Variants in KCNJ6 observed in about 807,000 individuals in gnomAD.
The protein encoded by KCNJ6 is potassium inwardly rectifying channel subfamily J member 6, also known as G protein-activated inward rectifier potassium channel 2.
In KCNJ6, 9 loss-of-function variants were observed where a neutral mutation model predicts 34.2. The observed-to-expected ratio is 0.26, with a 90% CI of 0.16 to 0.46. The LOEUF (loss-of-function observed/expected upper bound fraction) is 0.46, where lower values mean the gene tolerates loss of function less well. Ranked by LOEUF, KCNJ6 falls within the 20% of genes least tolerant of loss-of-function variation. The pLI is 1.00. For missense variants in KCNJ6, 236 were observed against 531.3 expected (o/e 0.44, Z 5.46); for synonymous variants, 196 against 207.1 (o/e 0.95, Z 0.46).
intron 2 of KCNJ6, among the ~76,000 whole-genome samples, chr21:37,727,099 C>G (rs11088404): frequency 0.38 from 57,903 of 151,960 alleles, 11,390 homozygotes; most frequent in South Asian, 0.45. Flanking sequence ...TGGTCTCAAG[C>G]CAAGGAACAC....
At chr21:37,877,001 A>G (rs988407868) in intron 1 of KCNJ6, among the ~76,000 whole-genome samples, 22 of 152,112 alleles carry the variant, frequency 1.4e-4, no homozygotes, top group African/African-American at 5.1e-4. Flanking sequence ...TAAACTTAAC[A>G]TTTTTATTAC....
intron 3 of KCNJ6, among the ~76,000 whole-genome samples, chr21:37,633,889 T>C (rs2054344858): frequency 6.6e-6 from 1 of 151,656 alleles, no homozygotes; most frequent in Non-Finnish European, 1.5e-5. Flanking sequence ...CAAGTTACTT[T>C]ATAGATTCAA....
At chr21:37,811,208 C>T (rs1453244598) in intron 2 of KCNJ6, among the ~76,000 whole-genome samples, 2 of 152,178 alleles carry the variant, frequency 1.3e-5, no homozygotes, top group Non-Finnish European at 2.9e-5. Context: ...GGGATAGGAA[C>T]CCCTGCTCTC....
chr21:37,716,846 A>G (rs1488903092), intron 2 of KCNJ6, among the ~76,000 whole-genome samples: 3 of 152,230 alleles, frequency 2.0e-5, no homozygotes, highest in East Asian at 3.8e-4. Flanking sequence ...TTGGCCAATA[A>G]TACTAAAGTC....
intron 2 of KCNJ6, among the ~76,000 whole-genome samples, chr21:37,832,785 C>G (rs1451863700): frequency 6.6e-6 from 1 of 152,090 alleles, no homozygotes; most frequent in Non-Finnish European, 1.5e-5. Flanking sequence ...GCCTGGAGGT[C>G]GGTGGGAAGA....
Position 37,615,303 on chromosome 21 carries a change from A to G in KCNJ6, c.*9856T>C, listed in dbSNP as rs2054262886. Reference sequence around the variant, plus strand: ...AGTCTCGCTCTGTCGCCCAGGTCGGACTGCGGACTGCAGTGGCGCAATCTC... The same window carrying G: ...AGTCTCGCTCTGTCGCCCAGGTCGGGCTGCGGACTGCAGTGGCGCAATCTC... On this transcript the variant is annotated 3_prime_UTR_variant, in exon 4 of 4. Coordinates refer to ENST00000609713, the MANE Select transcript of KCNJ6 (RefSeq NM_002240.5). The G allele has an allele frequency of 7.6e-6, 1 of 131,540 alleles. No individual in the cohort carries two copies. Among genetic ancestry groups the G allele is most frequent in the Non-Finnish European group, 1.5e-5 (1 of 65,550 alleles). The allele number at this position is 131,540 out of a possible 1,614,324, so 8.1% of individuals were successfully genotyped here. A position where few individuals can be genotyped will look rare whatever the true frequency, so the allele number is the denominator to read the frequency against.
intron 2 of KCNJ6, among the ~76,000 whole-genome samples, chr21:37,811,214 C>A (rs140735662): frequency 2.0e-5 from 3 of 152,300 alleles, no homozygotes; most frequent in Admixed American, 2.0e-4. Flanking sequence ...GGAACCCCTG[C>A]TCTCAGACCT....
intron 2 of KCNJ6, among the ~76,000 whole-genome samples, chr21:37,725,981 C>T (rs533915139): frequency 1.3e-5 from 2 of 152,342 alleles, no homozygotes; most frequent in African/African-American, 2.4e-5. Context: ...ACTCAGCTCA[C>T]TGCAACCTCT....
chr21:37,784,858 G>C (rs760873501), intron 2 of KCNJ6, among the ~76,000 whole-genome samples: 1 of 152,160 alleles, frequency 6.6e-6, no homozygotes, highest in Non-Finnish European at 1.5e-5. Flanking sequence ...CTCATAAAAT[G>C]GTTCTTCCAG....
chr21:37,706,244 C>T lies in KCNJ6; in HGVS notation c.946+7967G>A, dbSNP rs375852733. Among the ~76,000 whole-genome samples, 149 of 152,292 alleles carry T rather than the reference C, an allele frequency of 9.8e-4. 1 individual carries two copies. The highest frequency in any genetic ancestry group is 1.7e-3 in the Non-Finnish European group (114 of 68,036). ...GAAAGCTGGGAATTTTTGGTGAACA[C>T]GCTAATGACACCACACATTTCAAAA... On this transcript the variant is annotated intron_variant, in intron 3 of 3. Transcript: ENST00000609713.
chr21:37,903,045 T>C (rs2055824382), intron 1 of KCNJ6, among the ~76,000 whole-genome samples: 1 of 152,188 alleles, frequency 6.6e-6, no homozygotes, highest in African/African-American at 2.4e-5. Flanking sequence ...CCATGCTGTC[T>C]GCGATTTGTT....
At position 37,607,806 on chromosome 21, in the gene KCNJ6, T is replaced by A. The variant is rs1271561006; in HGVS notation, c.*17353A>T. Reference sequence around the variant, plus strand: ...GCATTTCTTGTTTTCTTTCTGTTCATCCCTAAAGGATCATTGGTTTTGCTT... The same window carrying A: ...GCATTTCTTGTTTTCTTTCTGTTCAACCCTAAAGGATCATTGGTTTTGCTT... On this transcript the variant is annotated 3_prime_UTR_variant, in exon 4 of 4. Transcript: ENST00000609713. 6.6e-6 allele frequency: 1 copy of A among 152,326 alleles called. No individual in the cohort carries two copies. Among genetic ancestry groups the A allele is most frequent in the South Asian group, 2.1e-4 (1 of 4,828 alleles). 9.4% of individuals were successfully genotyped at this position (152,326 alleles called of 1,614,324 possible).
At chr21:37,831,169 G>A (rs2055424120) in intron 2 of KCNJ6, among the ~76,000 whole-genome samples, 3 of 152,178 alleles carry the variant, frequency 2.0e-5, no homozygotes, top group African/African-American at 7.2e-5. Context: ...TCTCAACCAG[G>A]AAGCAATTAT....
intron 2 of KCNJ6, among the ~76,000 whole-genome samples, chr21:37,804,666 T>C (rs1311680186): frequency 6.6e-6 from 1 of 152,204 alleles, no homozygotes; most frequent in Non-Finnish European, 1.5e-5. Flanking sequence ...AGTGAGAACA[T>C]GCGGTATTTG....
rs759187465 is a variant in KCNJ6, at chr21:37,625,285, A to C, written c.1146T>G (p.Ser382Arg). 6.2e-7 allele frequency: 1 copy of C among 1,614,158 alleles called. No individual in the cohort carries two copies. The highest frequency in any genetic ancestry group is 8.5e-7 in the Non-Finnish European group (1 of 1,180,032). ...GGTTGAGTTTGCTGGATACAGACCAACTCAGGGGCAGCTCTGCCCTGCTGG... is the reference window on the plus strand; with the variant it reads ...GGTTGAGTTTGCTGGATACAGACCACCTCAGGGGCAGCTCTGCCCTGCTGG... ...ELASRAELPL[S>R]WSVSSKLNQH... Residue 382 changes from serine to arginine, a missense_variant, in exon 4 of 4, where the codon AGT becomes AGG. By Grantham distance (110) the Ser-to-Arg change is moderately radical. This residue lies in a region of KCNJ6 where 43 missense variants were observed against 52.1 expected (regional missense o/e 0.82). Coordinates refer to ENST00000609713, the MANE Select transcript of KCNJ6 (RefSeq NM_002240.5).
rs545326636 is a variant in KCNJ6, at chr21:37,639,106, G to A, written c.947-13622C>T. On this transcript the variant is annotated intron_variant, in intron 3 of 3. Transcript: ENST00000609713. ...CACAAACTGCCCAATGCACTTGAAA[G>A]CCAATCAGAAAGCTTCCCTACTTCC... Among the ~76,000 whole-genome samples the A allele has an allele frequency of 7.9e-5, 12 of 152,308 alleles. No individual in the cohort carries two copies. In the South Asian group the frequency reaches 2.3e-3, roughly 29 times the overall value.
Position 37,625,342 on chromosome 21 carries a change from T to C in KCNJ6, c.1089A>G (p.Pro363=). 6.2e-7 allele frequency: 1 copy of C among 1,614,208 alleles called. No homozygotes were observed. The highest frequency in any genetic ancestry group is 1.1e-5 in the South Asian group (1 of 91,078). The part of the protein sequence containing the change: ...SFHETYETST[P]SLSAKELAEL... ...CGGCCAGCTCTTTGGCACTAAGGGATGGGGTGCTGGTCTCATAGGTCTCAT... is the reference window on the plus strand; with the variant it reads ...CGGCCAGCTCTTTGGCACTAAGGGACGGGGTGCTGGTCTCATAGGTCTCAT... Residue 363 remains proline, a synonymous_variant, in exon 4 of 4, where the codon CCA becomes CCG. Coordinates refer to ENST00000609713, the MANE Select transcript of KCNJ6 (RefSeq NM_002240.5).
intron 2 of KCNJ6, among the ~76,000 whole-genome samples, chr21:37,729,327 TTC>T (rs2054871704): frequency 8.3e-6 from 1 of 119,976 alleles, no homozygotes. Context: ...CTGATTCTTC[TTC>T]TTTTTGGGGG....
chr21:37,686,161 A>G (rs1709830), intron 3 of KCNJ6, among the ~76,000 whole-genome samples: 134,554 of 152,190 alleles, frequency 0.88, 60,221 homozygotes, highest in Non-Finnish European at 0.95. Flanking sequence ...AAAAACACCC[A>G]AATTAAAATT....
Sources: gnomAD v4.1 joint callset for allele counts (sites outside exome capture counted in the v4.1 genomes callset) on GRCh38, gnomAD v4.1.1 for gene constraint, gnomAD v4.1.1 regional missense constraint, MANE v1.5 for transcripts, NCBI Gene and HGNC (gene_info 2026-07-23, HGNC 2026-07-21) for gene names.